Variants in PRKG1 observed in about 807,000 individuals in gnomAD.
PRKG1 encodes the protein cGMP-dependent protein kinase 1.
A neutral mutation model predicts 88.1 loss-of-function variants in PRKG1; 35 were observed. The observed-to-expected ratio is 0.40, with a 90% CI of 0.30 to 0.53. The LOEUF (loss-of-function observed/expected upper bound fraction) is 0.53, where lower values mean the gene tolerates loss of function less well. PRKG1 is among the 20% of genes least tolerant of loss of function. The pLI is 0.59. For synonymous variants in PRKG1, 303 were observed against 292.5 expected (o/e 1.04, Z -0.37); for missense variants, 540 against 839.8 (o/e 0.64, Z 4.41).
At chr10:51,378,561 C>T (rs975556582) in intron 2 of PRKG1, among the ~76,000 whole-genome samples, 3 of 152,162 alleles carry the variant, frequency 2.0e-5, no homozygotes, top group African/African-American at 7.2e-5. Context: ...TGTACATTTA[C>T]ATAAAACCTC....
At chr10:51,964,745 A>T (rs945769140) in intron 5 of PRKG1, among the ~76,000 whole-genome samples, 8 of 152,176 alleles carry the variant, frequency 5.3e-5, no homozygotes, top group African/African-American at 1.9e-4. Context: ...CATTAAATTT[A>T]AAAAAGTAAA....
At chr10:51,355,527 CTT>C (rs1201832812) in intron 2 of PRKG1, among the ~76,000 whole-genome samples, 7 of 152,086 alleles carry the variant, frequency 4.6e-5, no homozygotes, top group Non-Finnish European at 8.8e-5. Context: ...CAGAGAAAAG[CTT>C]TTATTGTTGC....
intron 2 of PRKG1, among the ~76,000 whole-genome samples, chr10:51,207,009 G>A (rs1838080101): frequency 6.6e-6 from 1 of 152,066 alleles, no homozygotes; most frequent in Non-Finnish European, 1.5e-5. Flanking sequence ...TGCAGTTTTT[G>A]AGTAATATTT....
At chr10:51,426,456 G>A (rs1838588668) in intron 2 of PRKG1, among the ~76,000 whole-genome samples, 1 of 152,108 alleles carries the variant, frequency 6.6e-6, no homozygotes, top group South Asian at 2.1e-4. Flanking sequence ...ATCGTTGACT[G>A]TCTTTAATTA....
intron 3 of PRKG1, among the ~76,000 whole-genome samples, chr10:51,776,384 G>A (rs1838436492): frequency 6.6e-6 from 1 of 152,100 alleles, no homozygotes; most frequent in African/African-American, 2.4e-5. Flanking sequence ...CAAATACAGG[G>A]ATAGTTATTA....
intron 3 of PRKG1, among the ~76,000 whole-genome samples, chr10:51,554,204 GTGATATATGTATATTATATATGCATATA>G (rs1410081495): frequency 6.8e-6 from 1 of 146,898 alleles, no homozygotes; most frequent in Non-Finnish European, 1.5e-5. Flanking sequence ...ATGTGCGTAT[GTGATATATGTATATTATATATGCATATA>G]TGATATGTAT....
Position 51,832,999 on chromosome 10 carries a change from A to G in PRKG1, c.698+28309A>G, listed in dbSNP as rs73331368. ...TGTCGATTACAGGGAGGGGGTTCAC[A>G]ATTGAAAATAGAAATCTAGGGAGGT... On this transcript the variant is annotated intron_variant, in intron 4 of 17. Coordinates refer to ENST00000373980, the MANE Select transcript of PRKG1 (RefSeq NM_006258.4). 7.1e-3 allele frequency among the ~76,000 whole-genome samples: 1,083 copies of G among 152,290 alleles called. 12 individuals are homozygous for G. Among genetic ancestry groups the G allele is most frequent in the African/African-American group, 0.024 (1,011 of 41,568 alleles).
At chr10:51,276,572 G>C (rs1244095751) in intron 2 of PRKG1, among the ~76,000 whole-genome samples, 1 of 152,080 alleles carries the variant, frequency 6.6e-6, no homozygotes, top group Non-Finnish European at 1.5e-5. Context: ...CTAGTTTACA[G>C]TCCCACCAAC....
At chr10:52,123,490 A>G (rs955531098) in intron 7 of PRKG1, among the ~76,000 whole-genome samples, 3 of 152,178 alleles carry the variant, frequency 2.0e-5, no homozygotes, top group Non-Finnish European at 4.4e-5. Flanking sequence ...TTTAAACTCA[A>G]GTCTATGTTT....
At chr10:52,215,970 C>G (rs1840100796) in intron 9 of PRKG1, among the ~76,000 whole-genome samples, 1 of 152,094 alleles carries the variant, frequency 6.6e-6, no homozygotes, top group African/African-American at 2.4e-5. Flanking sequence ...TATACTCATC[C>G]TCATAGAATT....
intron 5 of PRKG1, among the ~76,000 whole-genome samples, chr10:51,932,787 T>C (rs1842721876): frequency 6.6e-6 from 1 of 152,168 alleles, no homozygotes; most frequent in Admixed American, 6.5e-5. Context: ...AGCTTTCAGT[T>C]ACATCTATTG....
chr10:51,513,351 C>T (rs1374959037), intron 3 of PRKG1, among the ~76,000 whole-genome samples: 1 of 135,888 alleles, frequency 7.4e-6, no homozygotes, highest in Non-Finnish European at 1.6e-5. Flanking sequence ...TAAAGCAAGT[C>T]CTGAGTGACC....
intron 7 of PRKG1, among the ~76,000 whole-genome samples, chr10:52,114,682 A>G (rs1377408321): frequency 6.6e-6 from 1 of 152,128 alleles, no homozygotes; most frequent in Non-Finnish European, 1.5e-5. Flanking sequence ...AGAGATTTTC[A>G]AAATGACCCT....
intron 3 of PRKG1, among the ~76,000 whole-genome samples, chr10:51,687,321 G>A (rs1721621867): frequency 6.6e-6 from 1 of 152,176 alleles, no homozygotes; most frequent in African/African-American, 2.4e-5. Flanking sequence ...ACACTGGGCT[G>A]ATCCTTTGAA....
chr10:51,604,055 A>G (rs965421523), intron 3 of PRKG1, among the ~76,000 whole-genome samples: 3 of 147,328 alleles, frequency 2.0e-5, no homozygotes, highest in African/African-American at 7.5e-5. Context: ...GAGTCATCAT[A>G]TCTGTACAGG....
intron 3 of PRKG1, among the ~76,000 whole-genome samples, chr10:51,508,870 C>T (rs1488215541): frequency 6.6e-6 from 1 of 152,120 alleles, no homozygotes; most frequent in Admixed American, 6.6e-5. Context: ...TTTTTAAATC[C>T]CATTTTATTA....
At chr10:52,048,797 TC>T (rs1477141607) in intron 5 of PRKG1, among the ~76,000 whole-genome samples, 17 of 141,698 alleles carry the variant, frequency 1.2e-4, no homozygotes, top group Admixed American at 2.8e-4. Flanking sequence ...CTGTCAATTT[TC>T]TTTCTCTATC....
rs1411580550 is a variant in PRKG1 at position 52,166,798 on chromosome 10, C to CAT, written c.1076+4844_1076+4845dup. ...TCAAATAAAAAAGCCTATATATATA[C>CAT]ATATATATATGTATATATATGTATA... is the stretch of plus-strand genomic sequence containing the variant. On this transcript the variant is annotated intron_variant, in intron 9 of 17. Transcript: ENST00000373980. 8.0e-4 allele frequency among the ~76,000 whole-genome samples: 77 copies of CAT among 96,776 alleles called. 1 individual carries two copies. The highest frequency in any genetic ancestry group is 3.1e-3 in the African/African-American group (55 of 18,014). The allele number at this position is 96,776 out of a possible 152,430, so 63.5% of individuals were successfully genotyped here.
chr10:51,488,973 A>G (rs897424087), intron 3 of PRKG1, among the ~76,000 whole-genome samples: 2 of 152,316 alleles, frequency 1.3e-5, no homozygotes, highest in Non-Finnish European at 2.9e-5. Flanking sequence ...TCACTAAAGG[A>G]AAGTGGGATA....
Sources: allele counts gnomAD v4.1 joint callset (sites outside exome capture counted in the v4.1 genomes callset), GRCh38; gene constraint gnomAD v4.1.1; transcripts MANE v1.5; gene names NCBI Gene and HGNC (gene_info 2026-07-23, HGNC 2026-07-21).